Variants in RSRC1 observed in about 807,000 individuals in gnomAD.
RSRC1 encodes the protein arginine and serine rich coiled-coil 1, also known as serine/Arginine-related protein 53.
A neutral mutation model predicts 49.1 loss-of-function variants in RSRC1; 39 were observed. The ratio of observed to expected loss-of-function variants is 0.79; its 90% CI spans 0.61 to 1.04. The LOEUF (loss-of-function observed/expected upper bound fraction) is 1.04, where lower values mean the gene tolerates loss of function less well. Ranked by LOEUF, RSRC1 falls within the 50% of genes least tolerant of loss-of-function variation. The pLI is 0.00. For missense variants in RSRC1, 388 were observed against 402.4 expected, an observed-to-expected ratio of 0.96 and a Z score of 0.31; for synonymous variants, 143 against 130.8, an observed-to-expected ratio of 1.09 and a Z score of -0.63.
intron 6 of RSRC1, among the ~76,000 whole-genome samples, chr3:158,404,007 C>T (rs528083238): frequency 5.3e-5 from 8 of 151,796 alleles, no homozygotes; most frequent in African/African-American, 1.7e-4. Context: ...AATGTGTAAA[C>T]GTACAGAAAA....
intron 1 of RSRC1, among the ~76,000 whole-genome samples, chr3:158,114,344 C>T (rs905314927): frequency 2.6e-5 from 4 of 152,204 alleles, no homozygotes; most frequent in African/African-American, 9.6e-5. Flanking sequence ...CTATTCTGTT[C>T]CATTGGTCTA....
At chr3:158,521,749 T>A (rs1366242084) in intron 7 of RSRC1, among the ~76,000 whole-genome samples, 2 of 152,110 alleles carry the variant, frequency 1.3e-5, no homozygotes, top group Admixed American at 6.6e-5. Flanking sequence ...AAACACTTAG[T>A]AAAAACAAAT....
intron 4 of RSRC1, among the ~76,000 whole-genome samples, chr3:158,220,199 G>A (rs181568836): frequency 3.0e-4 from 46 of 151,732 alleles, no homozygotes; most frequent in African/African-American, 8.0e-4. Flanking sequence ...AGGGCTAATC[G>A]TAGATAGGGA....
chr3:158,511,172 T>C (rs1178837353), intron 7 of RSRC1, among the ~76,000 whole-genome samples: 1 of 152,066 alleles, frequency 6.6e-6, no homozygotes, highest in Non-Finnish European at 1.5e-5. Flanking sequence ...TAGTTACATA[T>C]GTATACATGT....
At chr3:158,388,898 T>C (rs1026146408) in intron 6 of RSRC1, among the ~76,000 whole-genome samples, 5 of 152,140 alleles carry the variant, frequency 3.3e-5, no homozygotes, top group Non-Finnish European at 7.4e-5. Flanking sequence ...CATGAGCCAC[T>C]GCACCTAACC....
chr3:158,436,275 A>G (rs531168471), intron 6 of RSRC1, among the ~76,000 whole-genome samples: 2 of 152,032 alleles, frequency 1.3e-5, no homozygotes, highest in South Asian at 4.1e-4. Flanking sequence ...GGAGGAATTA[A>G]TGTGGACTGA....
chr3:158,187,705 G>A (rs1486584617), intron 3 of RSRC1, among the ~76,000 whole-genome samples: 1 of 151,948 alleles, frequency 6.6e-6, no homozygotes, highest in East Asian at 1.9e-4. Context: ...TAAGACAGAT[G>A]AGGGTCAGTA....
intron 7 of RSRC1, among the ~76,000 whole-genome samples, chr3:158,515,585 G>A (rs1162950363): frequency 3.2e-3 from 419 of 130,148 alleles, no homozygotes; most frequent in African/African-American, 0.013. Flanking sequence ...TCTTGGAGTT[G>A]CTCTTCTCGA....
chr3:158,408,365 A>G (rs746725928), intron 6 of RSRC1, among the ~76,000 whole-genome samples: 18 of 152,326 alleles, frequency 1.2e-4, no homozygotes, highest in African/African-American at 4.3e-4. Flanking sequence ...ACACTGGCAT[A>G]TTGAGCCTCC....
At chr3:158,542,180 A>G (rs1204615646) in intron 8 of RSRC1, among the ~76,000 whole-genome samples, 1 of 152,196 alleles carries the variant, frequency 6.6e-6, no homozygotes, top group Non-Finnish European at 1.5e-5. Flanking sequence ...ATGGGACATT[A>G]TTTAGCAATA....
chr3:158,265,809 A>C (rs1725139872), intron 4 of RSRC1, among the ~76,000 whole-genome samples: 1 of 152,144 alleles, frequency 6.6e-6, no homozygotes, highest in South Asian at 2.1e-4. Flanking sequence ...AAGGTCACGA[A>C]GATTTTCTTC....
chr3:158,462,723 T>C (rs1737680242), intron 7 of RSRC1, among the ~76,000 whole-genome samples: 1 of 152,054 alleles, frequency 6.6e-6, no homozygotes, highest in African/African-American at 2.4e-5. Context: ...AAGCATCTTT[T>C]AAGACATTTG....
intron 4 of RSRC1, among the ~76,000 whole-genome samples, chr3:158,282,826 T>C (rs1368328054): frequency 2.6e-5 from 4 of 152,042 alleles, no homozygotes; most frequent in Non-Finnish European, 4.4e-5. Flanking sequence ...TGGCAGAAAA[T>C]TGTTAGCCAG....
At chr3:158,370,885 T>C (rs898162710) in intron 6 of RSRC1, among the ~76,000 whole-genome samples, 1 of 151,970 alleles carries the variant, frequency 6.6e-6, no homozygotes, top group African/African-American at 2.4e-5. Flanking sequence ...TATCAGTTTG[T>C]ATTTTCACAA....
chr3:158,124,702 A>C (rs920902785), intron 3 of RSRC1, among the ~76,000 whole-genome samples: 1 of 152,066 alleles, frequency 6.6e-6, no homozygotes, highest in Non-Finnish European at 1.5e-5. Context: ...CCAGTTTATT[A>C]GCATTCTTAG....
intron 6 of RSRC1, among the ~76,000 whole-genome samples, chr3:158,403,958 A>G (rs570177629): frequency 1.3e-5 from 2 of 152,006 alleles, no homozygotes; most frequent in East Asian, 1.9e-4. Context: ...AATTTTGTCA[A>G]TAAATGTCAA....
intron 5 of RSRC1, among the ~76,000 whole-genome samples, chr3:158,345,788 T>TAC (rs1553790095): frequency 3.5e-4 from 52 of 148,784 alleles, no homozygotes; most frequent in Admixed American, 1.4e-3. Context: ...TATATATATA[T>TAC]ACACATATAT....
rs1717045917 is a variant in RSRC1, at chr3:158,145,626, G to T, written c.320+21635G>T. Among the ~76,000 whole-genome samples the T allele has an allele frequency of 3.3e-5, 5 of 152,208 alleles. No individual in the cohort carries two copies. In the South Asian group the frequency reaches 1.0e-3, roughly 32 times the overall value. ...ACTTGGCAATGCGGGCTCTTTTTTG[G>T]TTCCATATGAACTTTAAAGTAGTTT... On this transcript the variant is annotated intron_variant, in intron 3 of 9. Coordinates refer to ENST00000611884, the MANE Select transcript of RSRC1 (RefSeq NM_001271838.2).
intron 6 of RSRC1, among the ~76,000 whole-genome samples, chr3:158,375,200 T>G (rs1025171582): frequency 2.4e-5 from 3 of 122,512 alleles, no homozygotes; most frequent in Non-Finnish European, 5.4e-5. Flanking sequence ...TTATTATTAT[T>G]AACTTATTTT....
Sources: allele counts gnomAD v4.1 joint callset (sites outside exome capture counted in the v4.1 genomes callset), GRCh38; gene constraint gnomAD v4.1.1; transcripts MANE v1.5; gene names NCBI Gene and HGNC (gene_info 2026-07-23, HGNC 2026-07-21).